GATA6: variants seen among roughly 807,000 people sequenced by gnomAD.
The protein encoded by GATA6 is transcription factor GATA-6.
In GATA6, 11 loss-of-function variants were observed where a neutral mutation model predicts 48.1. The ratio of observed to expected loss-of-function variants is 0.23; its 90% CI spans 0.14 to 0.38. The LOEUF (loss-of-function observed/expected upper bound fraction) is 0.38, where lower values mean the gene tolerates loss of function less well. Among genes scored for constraint, GATA6 ranks in the 10% least tolerant of loss-of-function variants. GATA6 has a pLI of 1.00. For synonymous variants in GATA6, 419 were observed against 396.1 expected (o/e 1.06, Z -0.69); for missense variants, 795 against 850.3 (o/e 0.93, Z 0.81).
rs775374335 is a variant in GATA6 at position 22,177,952 on chromosome 18, G to GTTTTT, written c.1302+853_1302+857dup. Among the ~76,000 whole-genome samples, 23 of 80,454 alleles carry GTTTTT rather than the reference G, an allele frequency of 2.9e-4. 1 individual carries two copies. Among genetic ancestry groups the GTTTTT allele is most frequent in the African/African-American group, 5.8e-4 (12 of 20,542 alleles). 52.8% of individuals were successfully genotyped at this position (80,454 alleles called of 152,430 possible). On this transcript the variant is annotated intron_variant, in intron 3 of 6. Transcript: ENST00000269216. Reference sequence around the variant, plus strand: ...TTCGCACACGTTTTACTGTTTTTTTGTTTTTTTTTTTTTTTTTTTTTTTTT... The same window carrying GTTTTT: ...TTCGCACACGTTTTACTGTTTTTTTGTTTTTTTTTTTTTTTTTTTTTTTTTTTTTT...
In GATA6 at chr18:22,172,112, A is replaced by ACCCCCCC; in HGVS notation, c.970_971insCCCCCCC (p.His324ProfsTer141). The ACCCCCCC allele has an allele frequency of 8.9e-7, 1 of 1,117,690 alleles. No individual in the cohort carries two copies. The highest frequency in any genetic ancestry group is 1.1e-6 in the Non-Finnish European group (1 of 880,706). 69.2% of individuals were successfully genotyped at this position (1,117,690 alleles called of 1,614,324 possible). A position where few individuals can be genotyped will look rare whatever the true frequency, so the allele number is the denominator to read the frequency against. ...GCCGCGCGGCCGCTGAACGGGACGT[A>ACCCCCCC]CCACCACCACCACCACCACCACCAC... On this transcript the variant is annotated frameshift_variant, in exon 2 of 7. Transcript: ENST00000269216. LOFTEE classifies it high-confidence loss of function. The surrounding 1 kb of genome is among the most constrained non-coding windows in gnomAD (Gnocchi z 5.2).
At chr18:22,180,260 T>C (rs1353922194) in intron 3 of GATA6, 1 of 152,188 alleles carries the variant, frequency 6.6e-6, no homozygotes, top group Non-Finnish European at 1.5e-5. Context: ...ATTTTTAAAG[T>C]AATTTACAGC....
intron 6 of GATA6, among the ~76,000 whole-genome samples, chr18:22,187,973 A>G (rs888821713): frequency 6.6e-6 from 1 of 152,200 alleles, no homozygotes; most frequent in Non-Finnish European, 1.5e-5. Context: ...GCAGTGGCTC[A>G]CGCCTGTAAT....
intron 6 of GATA6, among the ~76,000 whole-genome samples, chr18:22,199,385 G>A (rs1201938286): frequency 1.3e-5 from 2 of 152,208 alleles, no homozygotes; most frequent in East Asian, 3.8e-4. Flanking sequence ...GAAGGAATAA[G>A]AGCTCCTGAA....
At chr18:22,194,790 A>G (rs2033370421) in intron 6 of GATA6, among the ~76,000 whole-genome samples, 1 of 151,594 alleles carries the variant, frequency 6.6e-6, no homozygotes, top group African/African-American at 2.4e-5. Flanking sequence ...AAAGGGACTT[A>G]AAAGATGAAC....
chr18:22,177,666 A>G (rs1056417716), intron 3 of GATA6, among the ~76,000 whole-genome samples: 3 of 152,042 alleles, frequency 2.0e-5, no homozygotes, highest in Non-Finnish European at 2.9e-5. Context: ...TCGTCCCCCA[A>G]ATAGAATATG....
intron 2 of GATA6, among the ~76,000 whole-genome samples, chr18:22,173,915 G>A (rs920005532): frequency 2.6e-5 from 4 of 152,366 alleles, no homozygotes; most frequent in Non-Finnish European, 4.4e-5. Flanking sequence ...GATTATAGGC[G>A]TGAGCCACCG....
intron 2 of GATA6, chr18:22,176,606 A>C (rs916676466): frequency 1.8e-5 from 4 of 219,180 alleles, no homozygotes; most frequent in Non-Finnish European, 2.7e-5. Flanking sequence ...GATGGATTTC[A>C]GTCTTTAAAA....
chr18:22,180,017 TTC>T (rs1257882437), intron 3 of GATA6: 3 of 152,206 alleles, frequency 2.0e-5, no homozygotes, highest in Non-Finnish European at 4.4e-5. Context: ...CAATTTACAT[TTC>T]TCTCTTCTTC....
rs1019714265 is a variant in GATA6 at position 22,202,421 on chromosome 18, G to C, written c.*1598G>C. 2.6e-5 allele frequency: 4 copies of C among 152,160 alleles called. No individual in the cohort carries two copies. Among genetic ancestry groups the C allele is most frequent in the Non-Finnish European group, 5.9e-5 (4 of 68,036 alleles). The allele number at this position is 152,160 out of a possible 1,614,324, so 9.4% of individuals were successfully genotyped here. On this transcript the variant is annotated 3_prime_UTR_variant, in exon 7 of 7. Coordinates refer to ENST00000269216, the MANE Select transcript of GATA6 (RefSeq NM_005257.6). Reference sequence around the variant, plus strand: ...GTTGCAGACGTTACCCCCAACAGAAGATAGGTAGAAATGATTCCAGTGGCC... The same window carrying C: ...GTTGCAGACGTTACCCCCAACAGAACATAGGTAGAAATGATTCCAGTGGCC...
chr18:22,179,482 C>A (rs2033167400), intron 3 of GATA6, among the ~76,000 whole-genome samples: 1 of 152,200 alleles, frequency 6.6e-6, no homozygotes, highest in Admixed American at 6.5e-5. Context: ...TTATGATCTG[C>A]AGTTGACAGT....
intron 6 of GATA6, among the ~76,000 whole-genome samples, chr18:22,186,318 T>G (rs1300880589): frequency 6.6e-6 from 1 of 152,094 alleles, no homozygotes; most frequent in African/African-American, 2.4e-5. Context: ...TCCCTCCATT[T>G]AGAGATGTAA....
intron 6 of GATA6, among the ~76,000 whole-genome samples, chr18:22,195,457 A>G (rs9960865): frequency 0.043 from 6,492 of 152,226 alleles, 434 homozygotes; most frequent in African/African-American, 0.14. Flanking sequence ...CCCCAAAGTT[A>G]TTAGGTTGGT....
At chr18:22,177,593 A>G (rs1397613653) in intron 3 of GATA6, among the ~76,000 whole-genome samples, 1 of 152,156 alleles carries the variant, frequency 6.6e-6, no homozygotes, top group Admixed American at 6.6e-5. Flanking sequence ...GGGCGAAGGA[A>G]GACTTTTTTC....
At position 22,171,042 on chromosome 18, in the gene GATA6, G is replaced by A. The variant is rs979181052; in HGVS notation, c.-37-66G>A. On this transcript the variant is annotated intron_variant, in intron 1 of 6. Coordinates refer to ENST00000269216, the MANE Select transcript of GATA6 (RefSeq NM_005257.6). This position sits in a 1 kb window ranked among gnomAD's most constrained non-coding sequence, Gnocchi z 7.1. Reference sequence around the variant, plus strand: ...GAAAAAGGAGTGGAGGCGAGGTAGCGTGCAGCCTACGCTCTTGTTAACCCG... The same window carrying A: ...GAAAAAGGAGTGGAGGCGAGGTAGCATGCAGCCTACGCTCTTGTTAACCCG... 4.2e-6 allele frequency: 4 copies of A among 943,466 alleles called. No homozygotes were observed. The highest frequency in any genetic ancestry group is 3.9e-5 in the Admixed American group (2 of 51,238). The allele number at this position is 943,466 out of a possible 1,614,324, so 58.4% of individuals were successfully genotyped here.
chr18:22,191,480 G>A (rs1229668162), intron 6 of GATA6, among the ~76,000 whole-genome samples: 3 of 151,298 alleles, frequency 2.0e-5, no homozygotes, highest in African/African-American at 4.9e-5. Flanking sequence ...AAAGGTTATT[G>A]CTAAATGAAT....
chr18:22,200,984 A>T lies in GATA6; in HGVS notation c.*161A>T, dbSNP rs574625456. 2.5e-4 allele frequency: 228 copies of T among 910,556 alleles called. 3 individuals carry two copies. In the South Asian group the frequency reaches 3.7e-3, roughly 15 times the overall value. 56.4% of individuals were successfully genotyped at this position (910,556 alleles called of 1,614,324 possible). A position where few individuals can be genotyped will look rare whatever the true frequency, so the allele number is the denominator to read the frequency against. On this transcript the variant is annotated 3_prime_UTR_variant, in exon 7 of 7. Coordinates refer to ENST00000269216, the MANE Select transcript of GATA6 (RefSeq NM_005257.6). The stretch of plus-strand genomic sequence containing the variant: ...TTTTTCCCAAGAGGCTTGCTGAAAG[A>T]GTGAGAGAAGATGGAAGGGAAGGGC...
rs563978220 is a variant in GATA6 at position 22,171,403 on chromosome 18, C to A, written c.259C>A (p.Pro87Thr). ...SLLLSSYASH[P>T]FGAPHGPSAP... is the part of the protein sequence containing the mutation. ...GCTGCTCAGTTCCTACGCTTCGCAT[C>A]CCTTCGGGGCTCCCCACGGACCTTC... Residue 87 changes from proline to threonine, a missense_variant, in exon 2 of 7, where the codon CCC (proline) becomes ACC (threonine). Physicochemically the swap from Pro to Thr is conservative, Grantham distance 38 (BLOSUM62 -1). Transcript: ENST00000269216. The surrounding 1 kb of genome is among the most constrained non-coding windows in gnomAD (Gnocchi z 7.1). 1.3e-6 allele frequency: 2 copies of A among 1,588,626 alleles called. No homozygotes were observed. Among genetic ancestry groups the A allele is most frequent in the Admixed American group, 1.7e-5 (1 of 58,774 alleles).
intron 3 of GATA6, chr18:22,180,019 C>A (rs994678696): frequency 6.6e-6 from 1 of 152,116 alleles, no homozygotes; most frequent in Admixed American, 6.6e-5. Context: ...ATTTACATTT[C>A]TCTCTTCTTC....
Sources: allele counts gnomAD v4.1 joint callset (sites outside exome capture counted in the v4.1 genomes callset), GRCh38; gene constraint gnomAD v4.1.1; non-coding constraint Gnocchi (gnomAD v3.1); transcripts MANE v1.5; gene names NCBI Gene and HGNC (gene_info 2026-07-23, HGNC 2026-07-21).